Variants in GARRE1 observed in about 807,000 individuals in gnomAD.
GARRE1 encodes the protein granule associated Rac and RHOG effector protein 1.
Under a neutral mutation model 103.2 loss-of-function variants are expected in GARRE1, and 49 were observed. The ratio of observed to expected loss-of-function variants is 0.47; its 90% confidence interval spans 0.38 to 0.60. GARRE1 has a LOEUF of 0.60. Among genes scored for constraint, GARRE1 ranks in the 20% least tolerant of loss-of-function variants. The probability of loss-of-function intolerance (pLI) is 0.00; values close to 1 mark genes in which losing one functional copy is unlikely to be tolerated. For synonymous variants in GARRE1, 505 were observed against 532.8 expected, an observed-to-expected ratio of 0.95 and a Z score of 0.72; for missense variants, 1,199 against 1,370.5, an observed-to-expected ratio of 0.87 and a Z score of 1.98.
At chr19:34,266,783 T>C (rs1332825661) in intron 1 of GARRE1, among the ~76,000 whole-genome samples, 1 of 148,562 alleles carries the variant, frequency 6.7e-6, no homozygotes, top group East Asian at 1.9e-4. Flanking sequence ...TGATTTTGAA[T>C]CTTAAGTTTA....
intron 10 of GARRE1, 138 bp from the exon 11 acceptor site, chr19:34,347,739 C>A: frequency 2.5e-6 from 2 of 793,310 alleles, no homozygotes; most frequent in Admixed American, 3.4e-5. Context: ...CAGCCTACAG[C>A]CCACGCTGTG....
At chr19:34,321,050 CTTTTTTTTTT>C (rs33942697) in intron 3 of GARRE1, among the ~76,000 whole-genome samples, 8 of 55,754 alleles carry the variant, frequency 1.4e-4, no homozygotes, top group Middle Eastern at 0.018. Flanking sequence ...AGACAAGATT[CTTTTTTTTTT>C]TTTTTTTTTT....
chr19:34,274,418 A>G (rs2073805159), intron 1 of GARRE1, among the ~76,000 whole-genome samples: 1 of 152,190 alleles, frequency 6.6e-6, no homozygotes, highest in African/African-American at 2.4e-5. Flanking sequence ...GAAGGCAGGA[A>G]GGATAAGACT....
chr19:34,267,825 G>A (rs2073761739), intron 1 of GARRE1, among the ~76,000 whole-genome samples: 1 of 150,754 alleles, frequency 6.6e-6, no homozygotes, highest in Non-Finnish European at 1.5e-5. Flanking sequence ...CCAGGCTGGA[G>A]TGCAGTGGGG....
chr19:34,349,343 C>T (rs1025803604), intron 12 of GARRE1, among the ~76,000 whole-genome samples, 190 bp downstream of exon 12: 5 of 152,042 alleles, frequency 3.3e-5, no homozygotes, highest in Non-Finnish European at 7.4e-5. Flanking sequence ...AAGGAAGAGC[C>T]GGCCTCATCT....
At chr19:34,266,984 C>T (rs2073756512) in intron 1 of GARRE1, among the ~76,000 whole-genome samples, 1 of 151,862 alleles carries the variant, frequency 6.6e-6, no homozygotes, top group Non-Finnish European at 1.5e-5. Context: ...TTTTCTTGGG[C>T]CAGACATGGT....
At chr19:34,340,214 C>T (rs2074179572) in intron 9 of GARRE1, among the ~76,000 whole-genome samples, 1 of 152,158 alleles carries the variant, frequency 6.6e-6, no homozygotes, top group Admixed American at 6.5e-5. Context: ...TATTTGCTAA[C>T]TTTTTTGCCT....
intron 1 of GARRE1, among the ~76,000 whole-genome samples, chr19:34,273,530 A>G (rs911191757): frequency 6.6e-6 from 1 of 152,198 alleles, no homozygotes; most frequent in Non-Finnish European, 1.5e-5. Flanking sequence ...TAATAATTCA[A>G]CAAATATTTG....
intron 2 of GARRE1, among the ~76,000 whole-genome samples, chr19:34,313,747 A>G (rs2074047460): frequency 6.6e-6 from 1 of 152,194 alleles, no homozygotes; most frequent in African/African-American, 2.4e-5. Context: ...TAACTTAAAT[A>G]TGTTTTTATC....
chr19:34,280,572 GT>G (rs1001604901), intron 1 of GARRE1, among the ~76,000 whole-genome samples: 2 of 152,080 alleles, frequency 1.3e-5, no homozygotes, highest in African/African-American at 2.4e-5. Flanking sequence ...CAGTTTATCT[GT>G]TTTTTGTTGC....
At chr19:34,346,985 G>A (rs889334738) in intron 10 of GARRE1, among the ~76,000 whole-genome samples, 4 of 151,698 alleles carry the variant, frequency 2.6e-5, no homozygotes, top group South Asian at 2.1e-4. Context: ...GTGCAGTGGC[G>A]CAATCTTGGC....
At chr19:34,265,843 GC>G in intron 1 of GARRE1, among the ~76,000 whole-genome samples, 1 of 152,278 alleles carries the variant, frequency 6.6e-6, no homozygotes, top group Middle Eastern at 3.4e-3. Context: ...CAGTACTGAG[GC>G]ACAAGAGTTA....
At chr19:34,339,398 G>C (rs1206930646) in intron 8 of GARRE1, among the ~76,000 whole-genome samples, 1 of 152,172 alleles carries the variant, frequency 6.6e-6, no homozygotes, top group Non-Finnish European at 1.5e-5. Context: ...CAGGTGAAGA[G>C]GTGCATAGCG....
chr19:34,319,271 A>G (rs905545899), intron 2 of GARRE1, among the ~76,000 whole-genome samples: 8 of 152,182 alleles, frequency 5.3e-5, no homozygotes, highest in South Asian at 4.1e-4. Context: ...TTAGCAACCA[A>G]TCACTGATAT....
chr19:34,330,034 A>G (rs540290871), intron 6 of GARRE1, among the ~76,000 whole-genome samples, 155 bp from the exon 7 acceptor site: 1 of 152,312 alleles, frequency 6.6e-6, no homozygotes, highest in African/African-American at 2.4e-5. Flanking sequence ...GCAGTGAGCC[A>G]TGTTCGTGCC....
Position 34,355,229 on chromosome 19 carries a change from A to G in GARRE1, c.*2274A>G, listed in dbSNP as rs983339533. On this transcript the variant is annotated 3_prime_UTR_variant, in exon 14 of 14. Transcript: ENST00000299505. ...CCAGTTTGTTTTTCTCTATTAAGGA[A>G]GACATTTTCTAATTGCATCTCCATG... 2.6e-5 allele frequency: 4 copies of G among 152,658 alleles called. No homozygotes were observed. The highest frequency in any genetic ancestry group is 2.9e-5 in the Non-Finnish European group (2 of 68,050). 9.5% of individuals were successfully genotyped at this position (152,658 alleles called of 1,614,324 possible).
chr19:34,338,709 GGCCTCACA>G (rs1370438699), intron 8 of GARRE1, among the ~76,000 whole-genome samples: 9 of 152,218 alleles, frequency 5.9e-5, no homozygotes, highest in African/African-American at 2.2e-4. Flanking sequence ...AGGAAGAGAA[GGCCTCACA>G]GCTGGGACAA....
At chr19:34,291,236 A>G (rs1271284890) in intron 1 of GARRE1, among the ~76,000 whole-genome samples, 1 of 152,114 alleles carries the variant, frequency 6.6e-6, no homozygotes, top group East Asian at 1.9e-4. Flanking sequence ...ATTGTAAAGT[A>G]GCAAAACTGT....
At chr19:34,295,188 T>A (rs763136015) in intron 1 of GARRE1, among the ~76,000 whole-genome samples, 1 of 152,206 alleles carries the variant, frequency 6.6e-6, no homozygotes, top group Non-Finnish European at 1.5e-5. Flanking sequence ...ACTGCCAGTC[T>A]TCTGGTCTTC....
Sources: allele counts gnomAD v4.1 joint callset (sites outside exome capture counted in the v4.1 genomes callset), GRCh38; gene constraint gnomAD v4.1.1; transcripts MANE v1.5; gene names NCBI Gene and HGNC (gene_info 2026-07-23, HGNC 2026-07-21).